SASH1: variants seen among roughly 807,000 people sequenced by gnomAD.
SASH1 encodes SAM and SH3 domain-containing protein 1.
Under a neutral mutation model 125.2 loss-of-function variants are expected in SASH1, and 44 were observed. That is an observed-to-expected ratio of 0.35 (90% CI 0.28 to 0.45). The LOEUF (loss-of-function observed/expected upper bound fraction) is 0.45, where lower values mean the gene tolerates loss of function less well. Among genes scored for constraint, SASH1 ranks in the 20% least tolerant of loss-of-function variants. SASH1 has a pLI of 1.00. For synonymous variants in SASH1, 639 were observed against 649.1 expected, an observed-to-expected ratio of 0.98 and a Z score of 0.24; for missense variants, 1,426 against 1,614.5, an observed-to-expected ratio of 0.88 and a Z score of 2.00.
intron 2 of SASH1, among the ~76,000 whole-genome samples, chr6:148,390,541 C>T (rs1445040293): frequency 6.6e-6 from 1 of 152,230 alleles, no homozygotes; most frequent in East Asian, 1.9e-4. Flanking sequence ...AATCCCAGCA[C>T]TTTGAGAGGC....
rs137988330 is a variant in SASH1 at position 148,514,267 on chromosome 6, C to T, written c.730-57C>T. On this transcript the variant is annotated intron_variant, in intron 8 of 19. Transcript: ENST00000367467. ...CAGCAAGGCCGGCTACATCCAGCCACACGGGCAAAGCTCGGAGCAATTACC... is the reference window on the plus strand; with the variant it reads ...CAGCAAGGCCGGCTACATCCAGCCATACGGGCAAAGCTCGGAGCAATTACC... 6,615 of 1,568,702 alleles carry T rather than the reference C, an allele frequency of 4.2e-3. 25 individuals carry two copies. Among genetic ancestry groups the T allele is most frequent in the Non-Finnish European group, 5.1e-3 (5,883 of 1,161,328 alleles).
At chr6:148,359,246 C>T (rs1159316410) in intron 1 of SASH1, among the ~76,000 whole-genome samples, 1 of 151,896 alleles carries the variant, frequency 6.6e-6, no homozygotes, top group African/African-American at 2.4e-5. Flanking sequence ...GTAACCTCCG[C>T]CTCCTGGGCT....
At chr6:148,464,422 T>C (rs186508616) in intron 4 of SASH1, among the ~76,000 whole-genome samples, 117 of 152,304 alleles carry the variant, frequency 7.7e-4, no homozygotes, top group African/African-American at 2.3e-3. Context: ...TTTTTACCCA[T>C]TGACAATGAA....
At chr6:148,436,400 G>A (rs1020723451) in intron 2 of SASH1, among the ~76,000 whole-genome samples, 3 of 152,084 alleles carry the variant, frequency 2.0e-5, no homozygotes, top group Non-Finnish European at 4.4e-5. Flanking sequence ...AGCTACCTGG[G>A]AGGCTGAGGT....
At chr6:148,198,415 T>C in the SASH1 span, among the ~76,000 whole-genome samples, 2 of 152,240 alleles carry the variant, frequency 1.3e-5, no homozygotes, top group Admixed American at 1.3e-4. Context: ...CTCCCTTCTG[T>C]CTTTATTGAT....
intron 17 of SASH1, 91 bp from the exon 18 acceptor site, chr6:148,543,589 G>T: frequency 9.0e-7 from 1 of 1,105,280 alleles, no homozygotes; most frequent in Non-Finnish European, 1.3e-6. Flanking sequence ...TGTGGGTGTT[G>T]GAGATTTCAA....
Position 148,468,538 on chromosome 6 carries a change from T to C in SASH1, c.387-7T>C. ...CTCTGGTAATCTGATTTGTTTTTCT[T>C]TTCTAGGAACCCTCTTCATAAATCA... is the stretch of plus-strand genomic sequence containing the variant. On this transcript the variant is annotated splice_region_variant and splice_polypyrimidine_tract_variant and intron_variant, in intron 4 of 19. Transcript: ENST00000367467. 6.2e-7 allele frequency: 1 copy of C among 1,607,572 alleles called. No homozygotes were observed. Among genetic ancestry groups the C allele is most frequent in the East Asian group, 2.2e-5 (1 of 44,764 alleles).
chr6:148,214,858 T>A, the SASH1 span, among the ~76,000 whole-genome samples: 1 of 152,176 alleles, frequency 6.6e-6, no homozygotes, highest in Admixed American at 6.5e-5. Context: ...GCTCAATGTG[T>A]TTCTGCTGAA....
chr6:148,322,269 T>G (rs941463146), intron 1 of SASH1, among the ~76,000 whole-genome samples: 1 of 152,074 alleles, frequency 6.6e-6, no homozygotes, highest in African/African-American at 2.4e-5. Flanking sequence ...TGAGAATCAG[T>G]TGAACCCGGG....
At chr6:148,381,103 T>TG (rs1783113114) in intron 1 of SASH1, among the ~76,000 whole-genome samples, 3 of 152,234 alleles carry the variant, frequency 2.0e-5, no homozygotes, top group African/African-American at 7.2e-5. Context: ...CACTGTGCTG[T>TG]GCAGAGGTGC....
At chr6:148,510,984 A>G (rs1014238570) in intron 8 of SASH1, among the ~76,000 whole-genome samples, 3 of 125,116 alleles carry the variant, frequency 2.4e-5, no homozygotes, top group African/African-American at 9.4e-5. Flanking sequence ...AGACAGAGCG[A>G]GACTCCATCT....
At chr6:148,370,286 C>T (rs1186805975) in intron 1 of SASH1, among the ~76,000 whole-genome samples, 2 of 152,106 alleles carry the variant, frequency 1.3e-5, no homozygotes, top group East Asian at 1.9e-4. Context: ...AATTAACTAT[C>T]ACTGGAGATT....
Position 148,543,840 on chromosome 6 carries a change from C to A in SASH1, c.2370C>A (p.Gly790=). The A allele has an allele frequency of 6.2e-7, 1 of 1,614,140 alleles. No individual in the cohort carries two copies. Among genetic ancestry groups the A allele is most frequent in the Admixed American group, 1.7e-5 (1 of 60,020 alleles). The change falls in exon 18 of 20, where the codon GGC becomes GGA. Residue 790 remains glycine (G), a synonymous_variant. Coordinates refer to ENST00000367467, the MANE Select transcript of SASH1 (RefSeq NM_015278.5). ...AGGAGGAGGGCAGGCTGGGTGGTGG[C>A]CTTGCCCCAGACACGTCCAAGAGCT... ...QGQEEGRLGG[G]LAPDTSKSCD...
intron 9 of SASH1, among the ~76,000 whole-genome samples, chr6:148,515,607 G>T (rs866892592): frequency 1.3e-5 from 2 of 152,134 alleles, no homozygotes; most frequent in Non-Finnish European, 2.9e-5. Flanking sequence ...TTTCAGTTCC[G>T]GGGTTTCATT....
At chr6:148,545,964 AAAAC>A in intron 18 of SASH1, 47 bp from the exon 19 acceptor site, 2 of 1,586,956 alleles carry the variant, frequency 1.3e-6, no homozygotes, top group African/African-American at 2.7e-5. Context: ...TAGGGAAAGA[AAAAC>A]AAAATCCTTA....
At chr6:148,262,064 T>C in the SASH1 span, among the ~76,000 whole-genome samples, 1 of 151,960 alleles carries the variant, frequency 6.6e-6, no homozygotes, top group South Asian at 2.1e-4. Context: ...ATGAAAACAC[T>C]GCACTCTTCT....
At chr6:148,547,251 C>T (rs943362347) in intron 19 of SASH1, among the ~76,000 whole-genome samples, 4 of 152,122 alleles carry the variant, frequency 2.6e-5, no homozygotes, top group Non-Finnish European at 5.9e-5. Flanking sequence ...ACTGCATTAC[C>T]GCAACAGTTG....
rs369667760 is a variant in SASH1, at chr6:148,482,728, G to A, written c.628-4886G>A. ...TTTTGAGAGAGAGTCTTGCTCTGTC[G>A]CCCAGGCTAGAGTGCAGTGGCGCGA... On this transcript the variant is annotated intron_variant, in intron 7 of 19. Transcript: ENST00000367467. 1.1e-4 allele frequency among the ~76,000 whole-genome samples: 14 copies of A among 125,282 alleles called. No individual in the cohort carries two copies. The East Asian group carries it at 2.4e-3, about 21-fold the overall frequency. The allele number at this position is 125,282 out of a possible 152,430, so 82.2% of individuals were successfully genotyped here.
At chr6:148,207,697 C>A in the SASH1 span, among the ~76,000 whole-genome samples, 1 of 152,184 alleles carries the variant, frequency 6.6e-6, no homozygotes, top group African/African-American at 2.4e-5. Flanking sequence ...TTCAGTTATG[C>A]AAGAATACCC....
Sources: allele counts gnomAD v4.1 joint callset (sites outside exome capture counted in the v4.1 genomes callset), GRCh38; gene constraint gnomAD v4.1.1; transcripts MANE v1.5; gene names NCBI Gene and HGNC (gene_info 2026-07-23, HGNC 2026-07-21).